TBC1D5: variants seen among roughly 807,000 people sequenced by gnomAD.
The protein encoded by TBC1D5 is TBC1 domain family, member 5.
A neutral mutation model predicts 100.3 loss-of-function variants in TBC1D5; 75 were observed. That is an observed-to-expected ratio of 0.75 (90% CI 0.62 to 0.91). The LOEUF (loss-of-function observed/expected upper bound fraction) is 0.91, where lower values mean the gene tolerates loss of function less well. Ranked by LOEUF, TBC1D5 falls within the 40% of genes least tolerant of loss-of-function variation. TBC1D5 has a pLI of 0.00. For synonymous variants in TBC1D5, 323 were observed against 325.6 expected (o/e 0.99, Z 0.09); for missense variants, 910 against 942.4 (o/e 0.97, Z 0.45).
At chr3:17,462,437 T>C (rs2095231321) in intron 3 of TBC1D5, among the ~76,000 whole-genome samples, 1 of 151,552 alleles carries the variant, frequency 6.6e-6, no homozygotes, top group African/African-American at 2.4e-5. Flanking sequence ...TCCTCTCCTA[T>C]CTCAGCCTCC....
chr3:17,741,847 G>C (rs2077473819), upstream of TBC1D5, among the ~76,000 whole-genome samples: 1 of 98,434 alleles, frequency 1.0e-5, no homozygotes, highest in African/African-American at 4.0e-5. Flanking sequence ...TATCCTGAAA[G>C]ACCTCCGTTT....
intron 2 of TBC1D5, among the ~76,000 whole-genome samples, chr3:17,614,958 T>C (rs1237068515): frequency 6.6e-6 from 1 of 152,228 alleles, no homozygotes; most frequent in Non-Finnish European, 1.5e-5. Context: ...CCTTGTCTTG[T>C]GCTGGTTTTC....
chr3:17,699,912 G>A (rs1418056761), intron 1 of TBC1D5: 1 of 152,034 alleles, frequency 6.6e-6, no homozygotes, highest in East Asian at 1.9e-4. Context: ...CCAGCACCCG[G>A]ATTTCAACCG....
chr3:17,449,390 T>C (rs2094873616), intron 3 of TBC1D5, among the ~76,000 whole-genome samples: 1 of 152,140 alleles, frequency 6.6e-6, no homozygotes, highest in African/African-American at 2.4e-5. Context: ...AGAGAATTGT[T>C]CACTCCCGTG....
At chr3:17,272,032 A>G (rs2079480358) in intron 15 of TBC1D5, among the ~76,000 whole-genome samples, 1 of 152,084 alleles carries the variant, frequency 6.6e-6, no homozygotes, top group Admixed American at 6.6e-5. Context: ...GTCACAATGG[A>G]ACAGTAATCT....
intron 1 of TBC1D5, among the ~76,000 whole-genome samples, chr3:17,635,915 G>A (rs962498224): frequency 5.3e-5 from 8 of 152,250 alleles, no homozygotes; most frequent in African/African-American, 9.6e-5. Flanking sequence ...TGTTTTGGCC[G>A]GACACGGTGA....
At chr3:17,170,415 T>A (rs1435393572) in intron 19 of TBC1D5, among the ~76,000 whole-genome samples, 1 of 152,182 alleles carries the variant, frequency 6.6e-6, no homozygotes. Context: ...AAAGTCCCCC[T>A]GGAGGTCATA....
At chr3:17,243,566 A>T (rs2076482891) in intron 16 of TBC1D5, among the ~76,000 whole-genome samples, 1 of 152,204 alleles carries the variant, frequency 6.6e-6, no homozygotes. Flanking sequence ...TTTGCAATTT[A>T]AAATAATCTC....
intron 1 of TBC1D5, among the ~76,000 whole-genome samples, chr3:17,730,472 A>G (rs1176155872): frequency 6.6e-6 from 1 of 152,202 alleles, no homozygotes; most frequent in African/African-American, 2.4e-5. Flanking sequence ...GCCAGGCCAC[A>G]GGAAAAGGCC....
At chr3:17,273,809 CAAA>C (rs11450142) in intron 15 of TBC1D5, among the ~76,000 whole-genome samples, 2 of 114,978 alleles carry the variant, frequency 1.7e-5, no homozygotes, top group African/African-American at 3.1e-5. Flanking sequence ...CTCTGTATCT[CAAA>C]AAAAAAAAAA....
intron 1 of TBC1D5, among the ~76,000 whole-genome samples, chr3:17,703,189 A>G (rs1029567973): frequency 2.6e-5 from 4 of 152,164 alleles, no homozygotes; most frequent in African/African-American, 9.7e-5. Flanking sequence ...TGATATAAAG[A>G]AAAAGAAAAA....
intron 1 of TBC1D5, among the ~76,000 whole-genome samples, chr3:17,721,050 A>G (rs977577044): frequency 1.3e-5 from 2 of 152,064 alleles, no homozygotes; most frequent in African/African-American, 2.4e-5. Context: ...TATGTTGGCC[A>G]GGCTGGTCTT....
chr3:17,454,835 T>C (rs914730217), intron 3 of TBC1D5, among the ~76,000 whole-genome samples: 1 of 152,062 alleles, frequency 6.6e-6, no homozygotes, highest in Non-Finnish European at 1.5e-5. Context: ...CCATTTACAA[T>C]AGCCACAAAT....
chr3:17,372,243 T>C, exon 13 of TBC1D5: 2 of 1,606,096 alleles, frequency 1.2e-6, no homozygotes, highest in Non-Finnish European at 1.7e-6. Context: ...CAGTGTTTCT[T>C]TCCCCTAAAA....
At chr3:17,595,669 T>C (rs1384594992) in intron 2 of TBC1D5, among the ~76,000 whole-genome samples, 3 of 132,340 alleles carry the variant, frequency 2.3e-5, no homozygotes, top group Non-Finnish European at 4.8e-5. Context: ...ACTGAAGTTA[T>C]GGAAGTGTAA....
chr3:17,228,817 C>T (rs2148837215), intron 17 of TBC1D5, among the ~76,000 whole-genome samples: 1 of 152,020 alleles, frequency 6.6e-6, no homozygotes, highest in East Asian at 1.9e-4. Flanking sequence ...GTACTGTGCC[C>T]TGTGTGCTCT....
chr3:17,706,440 C>T (rs910676906), intron 1 of TBC1D5, among the ~76,000 whole-genome samples: 9 of 150,924 alleles, frequency 6.0e-5, no homozygotes, highest in Admixed American at 1.3e-4. Context: ...CACACACACA[C>T]GCGCGCGCAC....
intron 1 of TBC1D5, among the ~76,000 whole-genome samples, chr3:17,646,115 T>TA (rs2064991351): frequency 1.3e-5 from 2 of 151,884 alleles, no homozygotes; most frequent in Admixed American, 1.3e-4. Context: ...GATGTCTTTA[T>TA]AAGAAGGGTA....
In TBC1D5 at chr3:17,197,992, G is replaced by A. The variant is rs376600558; in HGVS notation, c.1753-12784C>T. ...GTGGAGGTTGCAGGGAGCCGAGATT[G>A]TGCCACTGCACTCCAGCCTGGGTGA... On this transcript the variant is annotated intron_variant, in intron 18 of 21. Transcript: ENST00000253692. Among the ~76,000 whole-genome samples, 6 of 152,286 alleles carry A rather than the reference G, an allele frequency of 3.9e-5. No individual in the cohort carries two copies. In the East Asian group the frequency reaches 7.7e-4, roughly 20 times the overall value.
Sources: gnomAD v4.1 joint callset for allele counts (sites outside exome capture counted in the v4.1 genomes callset) on GRCh38, gnomAD v4.1.1 for gene constraint, MANE v1.5 for transcripts, NCBI Gene and HGNC (gene_info 2026-07-23, HGNC 2026-07-21) for gene names.